Variants in EPRS1 observed in about 807,000 individuals in gnomAD.
The protein encoded by EPRS1 is glutamyl-prolyl-tRNA synthetase 1.
In EPRS1, 107 loss-of-function variants were observed where a neutral mutation model predicts 188.3. That is an observed-to-expected ratio of 0.57 (90% CI 0.49 to 0.67). EPRS1 has a LOEUF of 0.67. EPRS1 is among the 30% of genes least tolerant of loss of function. The pLI is 0.00. For missense variants in EPRS1, 1,577 were observed against 1,802.2 expected, an observed-to-expected ratio of 0.88 and a Z score of 2.26; for synonymous variants, 596 against 593.1, an observed-to-expected ratio of 1.00 and a Z score of -0.07.
chr1:220,023,884 T>C (rs919073455), intron 8 of EPRS1, among the ~76,000 whole-genome samples: 1 of 152,228 alleles, frequency 6.6e-6, no homozygotes, highest in Admixed American at 6.5e-5. Flanking sequence ...CCAGATACGG[T>C]GGCTCATGCC....
chr1:220,003,245 G>C (rs1227620830), intron 16 of EPRS1, among the ~76,000 whole-genome samples: 2 of 152,074 alleles, frequency 1.3e-5, no homozygotes, highest in East Asian at 3.9e-4. Context: ...ATCTTTTCAT[G>C]TGCTTACATT....
rs1662108698 is a variant in EPRS1, at chr1:220,032,633, T to C, written c.389-107A>G. 5 of 1,095,208 alleles carry C rather than the reference T, an allele frequency of 4.6e-6. No homozygotes were observed. In the South Asian group the frequency reaches 5.4e-5, roughly 12 times the overall value. 67.8% of individuals were successfully genotyped at this position (1,095,208 alleles called of 1,614,324 possible). ...TTGAGATGGCTTAAAGTTGTGCTTC[T>C]AAAGAAAATGAAATGTTAAATATCT... On this transcript the variant is annotated intron_variant, in intron 4 of 31. Coordinates refer to ENST00000366923, the MANE Select transcript of EPRS1 (RefSeq NM_004446.3).
At chr1:220,002,730 C>T (rs539121378) in intron 16 of EPRS1, among the ~76,000 whole-genome samples, 91 of 151,986 alleles carry the variant, frequency 6.0e-4, no homozygotes, top group African/African-American at 2.1e-3. Context: ...TGTGGTGGCA[C>T]ATATCTGTAG....
At chr1:219,983,759 A>G (rs1660947228) in intron 21 of EPRS1, among the ~76,000 whole-genome samples, 1 of 151,888 alleles carries the variant, frequency 6.6e-6, no homozygotes. Flanking sequence ...CGGGCGTGGT[A>G]GCGTGTGCCT....
intron 12 of EPRS1, among the ~76,000 whole-genome samples, chr1:220,011,873 G>A (rs991372921): frequency 7.9e-5 from 12 of 152,168 alleles, no homozygotes. Flanking sequence ...AAGCACATGT[G>A]AGAAAAATGT....
chr1:220,025,641 C>G (rs1661956901), intron 6 of EPRS1, among the ~76,000 whole-genome samples: 1 of 151,970 alleles, frequency 6.6e-6, no homozygotes, highest in Non-Finnish European at 1.5e-5. Flanking sequence ...TTAATAAGAC[C>G]TACTACTACT....
At chr1:220,033,802 T>C (rs1662127927) in intron 3 of EPRS1, 144 bp from the exon 4 acceptor site, 1 of 597,512 alleles carries the variant, frequency 1.7e-6, no homozygotes, top group Admixed American at 3.5e-5. Flanking sequence ...TTTATCATTA[T>C]GTGGACTAAA....
chr1:220,041,655 A>C (rs1662297178), intron 1 of EPRS1, among the ~76,000 whole-genome samples: 1 of 152,172 alleles, frequency 6.6e-6, no homozygotes, highest in East Asian at 1.9e-4. Flanking sequence ...AGCCTGACCA[A>C]CATGGAGAAA....
intron 28 of EPRS1, among the ~76,000 whole-genome samples, chr1:219,975,920 C>T (rs969233652): frequency 2.0e-5 from 3 of 152,062 alleles, no homozygotes; most frequent in Admixed American, 1.3e-4. Context: ...GAAGTGATAG[C>T]TCAAAAGCAA....
intron 8 of EPRS1, among the ~76,000 whole-genome samples, chr1:220,024,043 T>C (rs1440307689): frequency 1.3e-5 from 2 of 152,058 alleles, no homozygotes; most frequent in African/African-American, 4.8e-5. Context: ...TCCCAGCTAC[T>C]TGGGAGGCTG....
intron 12 of EPRS1, among the ~76,000 whole-genome samples, chr1:220,014,147 G>A (rs1222629908): frequency 6.6e-6 from 1 of 152,092 alleles, no homozygotes; most frequent in Admixed American, 6.6e-5. Flanking sequence ...GGCCAACATG[G>A]TGAAACCCTG....
chr1:219,981,544 T>C (rs1371236613), intron 23 of EPRS1, 87 bp from the exon 24 acceptor site: 4 of 662,066 alleles, frequency 6.0e-6, no homozygotes, highest in African/African-American at 3.6e-5. Context: ...AGATAATTAA[T>C]AGGAATTAAA....
chr1:219,981,134 A>G (rs1660887778), intron 24 of EPRS1, among the ~76,000 whole-genome samples: 2 of 152,042 alleles, frequency 1.3e-5, no homozygotes, highest in African/African-American at 4.8e-5. Context: ...CCTGGGCTCA[A>G]GTGATCTGTC....
chr1:219,998,010 A>G (rs560319506), intron 17 of EPRS1, among the ~76,000 whole-genome samples: 5 of 152,140 alleles, frequency 3.3e-5, no homozygotes, highest in Admixed American at 6.6e-5. Context: ...ACTAAAATCA[A>G]CCCTGAAGAG....
intron 2 of EPRS1, among the ~76,000 whole-genome samples, chr1:220,036,189 G>A (rs1412147747): frequency 6.6e-6 from 1 of 152,146 alleles, no homozygotes; most frequent in African/African-American, 2.4e-5. Flanking sequence ...AGCGGAGCAA[G>A]ACTCCACCTC....
At chr1:220,014,941 G>C (rs944198818) in intron 12 of EPRS1, among the ~76,000 whole-genome samples, 5 of 152,102 alleles carry the variant, frequency 3.3e-5, no homozygotes, top group African/African-American at 1.2e-4. Flanking sequence ...CATGAAACAA[G>C]AATAGAGAGT....
At chr1:219,990,774 TTA>T (rs1661104525) in intron 18 of EPRS1, among the ~76,000 whole-genome samples, 1 of 152,192 alleles carries the variant, frequency 6.6e-6, no homozygotes, top group South Asian at 2.1e-4. Context: ...GGAGAACAAA[TTA>T]TCTCTTAATA....
At chr1:220,034,181 A>G (rs1169554009) in intron 3 of EPRS1, among the ~76,000 whole-genome samples, 1 of 152,226 alleles carries the variant, frequency 6.6e-6, no homozygotes, top group Non-Finnish European at 1.5e-5. Flanking sequence ...GACTGCATAT[A>G]TGACAATGGT....
intron 18 of EPRS1, among the ~76,000 whole-genome samples, chr1:219,991,849 C>G (rs549591472): frequency 1.3e-5 from 2 of 152,174 alleles, no homozygotes; most frequent in Admixed American, 6.5e-5. Context: ...AACACAAATT[C>G]TGAAGATTTT....
Sources: gnomAD v4.1 joint callset for allele counts (sites outside exome capture counted in the v4.1 genomes callset) on GRCh38, gnomAD v4.1.1 for gene constraint, MANE v1.5 for transcripts, NCBI Gene and HGNC (gene_info 2026-07-23, HGNC 2026-07-21) for gene names.